GUCY1A2: variants seen among roughly 807,000 people sequenced by gnomAD.
GUCY1A2 encodes guanylate cyclase 1 soluble subunit alpha 2.
Under a neutral mutation model 63.5 loss-of-function variants are expected in GUCY1A2, and 27 were observed. The observed-to-expected ratio is 0.43, with a 90% CI of 0.31 to 0.59. The LOEUF (loss-of-function observed/expected upper bound fraction) is 0.59, where lower values mean the gene tolerates loss of function less well. GUCY1A2 is among the 20% of genes least tolerant of loss of function. The pLI, the probability that GUCY1A2 is intolerant of heterozygous loss-of-function variation, is 0.11. For missense variants in GUCY1A2, 768 were observed against 913.3 expected, an observed-to-expected ratio of 0.84 and a Z score of 2.05; for synonymous variants, 364 against 343.5, an observed-to-expected ratio of 1.06 and a Z score of -0.66.
chr11:106,887,461 T>TATTAAATC (rs1859915335), intron 4 of GUCY1A2, among the ~76,000 whole-genome samples: 1 of 152,196 alleles, frequency 6.6e-6, no homozygotes, highest in Non-Finnish European at 1.5e-5. Flanking sequence ...GACAAAGATA[T>TATTAAATC]ATTAAATCTC....
At chr11:106,841,356 A>T (rs1447147519) in intron 4 of GUCY1A2, among the ~76,000 whole-genome samples, 1 of 151,838 alleles carries the variant, frequency 6.6e-6, no homozygotes, top group Non-Finnish European at 1.5e-5. Context: ...TCTCTTTTCA[A>T]AACACTTATC....
intron 1 of GUCY1A2, among the ~76,000 whole-genome samples, chr11:107,012,515 A>C (rs1462943238): frequency 6.6e-6 from 1 of 152,192 alleles, no homozygotes; most frequent in Non-Finnish European, 1.5e-5. Flanking sequence ...TTCACAAAAG[A>C]GGAAACTAAG....
Position 106,749,926 on chromosome 11 carries a change from C to A in GUCY1A2, c.1836+26513G>T, listed in dbSNP as rs557945273. ...ATTGTATTAGGGTTCTCCAGAGGGGCAGAAACAATTGGATCTATGTATACA... is the reference window on the plus strand; with the variant it reads ...ATTGTATTAGGGTTCTCCAGAGGGGAAGAAACAATTGGATCTATGTATACA... On this transcript the variant is annotated intron_variant, in intron 6 of 7. Transcript: ENST00000526355. Among the ~76,000 whole-genome samples the A allele has an allele frequency of 1.4e-3, 206 of 152,140 alleles. 1 individual carries two copies. Among genetic ancestry groups the A allele is most frequent in the Admixed American group, 2.3e-3 (35 of 15,268 alleles).
chr11:106,931,976 G>A (rs1860608942), intron 4 of GUCY1A2, among the ~76,000 whole-genome samples: 1 of 151,682 alleles, frequency 6.6e-6, no homozygotes, highest in Admixed American at 6.6e-5. Context: ...AGAACAAACA[G>A]GAAACTATCA....
chr11:106,893,045 G>T (rs914659376), intron 4 of GUCY1A2, among the ~76,000 whole-genome samples: 2 of 152,150 alleles, frequency 1.3e-5, no homozygotes, highest in Non-Finnish European at 2.9e-5. Flanking sequence ...TGCAAGGAAA[G>T]ATGTTCACAT....
At chr11:106,720,784 G>A (rs949766116) in intron 6 of GUCY1A2, among the ~76,000 whole-genome samples, 1 of 152,122 alleles carries the variant, frequency 6.6e-6, no homozygotes, top group African/African-American at 2.4e-5. Context: ...GTAATGTGGT[G>A]TCCTAGATGG....
intron 3 of GUCY1A2, among the ~76,000 whole-genome samples, chr11:106,977,017 C>T (rs1466248812): frequency 6.6e-6 from 1 of 152,156 alleles, no homozygotes; most frequent in Non-Finnish European, 1.5e-5. Flanking sequence ...TTTAGCACCC[C>T]AATATAATCA....
At chr11:106,992,116 A>G (rs1387955680) in intron 1 of GUCY1A2, among the ~76,000 whole-genome samples, 2 of 152,148 alleles carry the variant, frequency 1.3e-5, no homozygotes, top group South Asian at 4.1e-4. Flanking sequence ...TTTACTGCAC[A>G]CAATATTTAA....
chr11:106,967,425 T>C (rs1169720906), intron 3 of GUCY1A2, among the ~76,000 whole-genome samples: 2 of 152,066 alleles, frequency 1.3e-5, no homozygotes, highest in Non-Finnish European at 2.9e-5. Flanking sequence ...ACCAGGCATT[T>C]TATGAAAACA....
chr11:106,761,173 A>G (rs979798489), intron 6 of GUCY1A2, among the ~76,000 whole-genome samples: 8 of 152,154 alleles, frequency 5.3e-5, no homozygotes, highest in Non-Finnish European at 1.0e-4. Context: ...TTCAGATCCT[A>G]TTGCTAACTA....
intron 6 of GUCY1A2, 45 bp from the exon 7 acceptor site, chr11:106,708,711 T>C: frequency 7.4e-7 from 1 of 1,354,024 alleles, no homozygotes; most frequent in African/African-American, 1.5e-5. Context: ...TGTTTCCATT[T>C]GGTATGCAAT....
intron 4 of GUCY1A2, among the ~76,000 whole-genome samples, chr11:106,855,487 TGGA>T (rs934129344): frequency 6.6e-6 from 1 of 151,074 alleles, no homozygotes; most frequent in African/African-American, 2.4e-5. Flanking sequence ...CTTTTTTTTG[TGGA>T]GGAGGTGACT....
chr11:106,776,922 A>G (rs1864367355), intron 5 of GUCY1A2, among the ~76,000 whole-genome samples: 1 of 152,132 alleles, frequency 6.6e-6, no homozygotes, highest in Non-Finnish European at 1.5e-5. Context: ...CCATCCCTTC[A>G]TCTCCTTCCA....
At chr11:106,713,496 C>CTTTTTTTT (rs143909145) in intron 6 of GUCY1A2, among the ~76,000 whole-genome samples, 2 of 78,394 alleles carry the variant, frequency 2.6e-5, no homozygotes, top group Non-Finnish European at 4.5e-5. Flanking sequence ...TAGTATGTTT[C>CTTTTTTTT]TTTTTTTTTT....
At chr11:106,871,645 C>T (rs1859679576) in intron 4 of GUCY1A2, among the ~76,000 whole-genome samples, 1 of 152,000 alleles carries the variant, frequency 6.6e-6, no homozygotes, top group African/African-American at 2.4e-5. Context: ...ATTATAACTG[C>T]CAAAAGCTTA....
chr11:106,831,486 A>G (rs1466495269), intron 4 of GUCY1A2, among the ~76,000 whole-genome samples: 1 of 152,210 alleles, frequency 6.6e-6, no homozygotes. Context: ...AGAGCACTGA[A>G]GAAAGGCCCA....
At chr11:106,957,997 T>C in intron 3 of GUCY1A2, among the ~76,000 whole-genome samples, 1 of 151,638 alleles carries the variant, frequency 6.6e-6, no homozygotes, top group East Asian at 1.9e-4. Flanking sequence ...AGGTCTAAAA[T>C]GTATTTCATT....
chr11:106,937,277 A>T (rs1326570593), intron 4 of GUCY1A2, among the ~76,000 whole-genome samples: 1 of 152,218 alleles, frequency 6.6e-6, no homozygotes, highest in Non-Finnish European at 1.5e-5. Context: ...CAATGAGCAC[A>T]GTTCCTTATT....
At chr11:107,002,030 A>C (rs1861618320) in intron 1 of GUCY1A2, among the ~76,000 whole-genome samples, 1 of 152,030 alleles carries the variant, frequency 6.6e-6, no homozygotes, top group Non-Finnish European at 1.5e-5. Flanking sequence ...AAAAAAAAAA[A>C]AAATTGTTGC....
Sources: gnomAD v4.1 joint callset for allele counts (sites outside exome capture counted in the v4.1 genomes callset) on GRCh38, gnomAD v4.1.1 for gene constraint, MANE v1.5 for transcripts, NCBI Gene and HGNC (gene_info 2026-07-23, HGNC 2026-07-21) for gene names.